The following SBSPON variants were observed in gnomAD, a reference collection of about 807,000 sequenced individuals.
SBSPON encodes the protein somatomedin-B and thrombospondin type-1 domain-containing protein.
SBSPON carries 30 observed loss-of-function variants against 35.8 expected under a neutral mutation model. The observed-to-expected ratio is 0.84, with a 90% CI of 0.63 to 1.14. The LOEUF (loss-of-function observed/expected upper bound fraction) is 1.14, where lower values mean the gene tolerates loss of function less well. Ranked by LOEUF, SBSPON falls within the 50% of genes most tolerant of loss-of-function variation. The probability of loss-of-function intolerance (pLI) is 0.00; values close to 1 mark genes in which losing one functional copy is unlikely to be tolerated. For missense variants in SBSPON, 364 were observed against 357.7 expected (o/e 1.02, Z -0.14); for synonymous variants, 136 against 135.9 (o/e 1.00, Z 0.00).
At chr8:73,084,586 A>G (rs1021410872) in intron 1 of SBSPON, among the ~76,000 whole-genome samples, 11 of 151,618 alleles carry the variant, frequency 7.3e-5, no homozygotes, top group African/African-American at 2.7e-4. Flanking sequence ...GCTCTTTCCC[A>G]CCCTGGGACC....
At chr8:73,084,843 C>T (rs976162778) in intron 1 of SBSPON, among the ~76,000 whole-genome samples, 16 of 151,158 alleles carry the variant, frequency 1.1e-4, no homozygotes, top group Non-Finnish European at 7.4e-5. Flanking sequence ...TGTAGCATTG[C>T]CATAATTCAT....
chr8:73,083,505 A>G (rs1222560084), intron 1 of SBSPON, among the ~76,000 whole-genome samples: 1 of 152,024 alleles, frequency 6.6e-6, no homozygotes, highest in Non-Finnish European at 1.5e-5. Flanking sequence ...CATAGATCAC[A>G]AGAGATCTTG....
chr8:73,082,221 T>A (rs577533277), intron 1 of SBSPON, among the ~76,000 whole-genome samples: 3 of 152,240 alleles, frequency 2.0e-5, no homozygotes, highest in Non-Finnish European at 4.4e-5. Context: ...TATCTCAGAC[T>A]GTAATCAACT....
chr8:73,079,670 G>A (rs931335556), intron 2 of SBSPON, among the ~76,000 whole-genome samples: 1 of 151,922 alleles, frequency 6.6e-6, no homozygotes, highest in Non-Finnish European at 1.5e-5. Context: ...AGACCGAGGG[G>A]AATCACCTGA....
In SBSPON at chr8:73,077,166, A is replaced by G. The variant is rs562233114; in HGVS notation, c.409+3853T>C. 6.6e-5 allele frequency among the ~76,000 whole-genome samples: 10 copies of G among 152,320 alleles called. 2 individuals carry two copies. The highest frequency in any genetic ancestry group is 2.2e-4 in the African/African-American group (9 of 41,566). On this transcript the variant is annotated intron_variant, in intron 2 of 4. Transcript: ENST00000297354. ...GGTGATCCACTCACCTCGACCTCCC[A>G]AAGTGCTGGGATTACAGGCATGAGC...
At chr8:73,068,075 G>C (rs1810427385) in intron 4 of SBSPON, among the ~76,000 whole-genome samples, 1 of 152,084 alleles carries the variant, frequency 6.6e-6, no homozygotes, top group Non-Finnish European at 1.5e-5. Flanking sequence ...CTCTTTTACT[G>C]CTTTCCAACT....
At position 73,067,464 on chromosome 8, in the gene SBSPON, A is replaced by C. The variant is rs1810409589; in HGVS notation, c.678-6T>G. On this transcript the variant is annotated splice_polypyrimidine_tract_variant and splice_region_variant and intron_variant, in intron 4 of 4. Coordinates refer to ENST00000297354, the MANE Select transcript of SBSPON (RefSeq NM_153225.4). Reference sequence around the variant, plus strand: ...GCCAATGGAGAGTCTGATTTCTGAAACGATATTTCGAAAGTGTTAGTTACA... The same window carrying C: ...GCCAATGGAGAGTCTGATTTCTGAACCGATATTTCGAAAGTGTTAGTTACA... The C allele has an allele frequency of 6.5e-7, 1 of 1,539,510 alleles. No homozygotes were observed. Among genetic ancestry groups the C allele is most frequent in the Admixed American group, 1.7e-5 (1 of 59,642 alleles).
rs201848140 is a variant in SBSPON at position 73,085,653 on chromosome 8, GA to G, written c.215-4441del. ...CGAGGAGTTGTGCCAGCCAGAGCAA[GA>G]CACCCTATTCTCAGCCTTTAGGTAC... On this transcript the variant is annotated intron_variant, in intron 1 of 4. Coordinates refer to ENST00000297354, the MANE Select transcript of SBSPON (RefSeq NM_153225.4). The G allele has an allele frequency of 3.0e-4, 45 of 152,176 alleles. No individual in the cohort carries two copies. In the East Asian group the frequency reaches 8.7e-3, roughly 29 times the overall value. The allele number at this position is 152,176 out of a possible 1,614,324, so 9.4% of individuals were successfully genotyped here. A position where few individuals can be genotyped will look rare whatever the true frequency, so the allele number is the denominator to read the frequency against.
At chr8:73,073,881 G>C (rs1810543841) in intron 2 of SBSPON, among the ~76,000 whole-genome samples, 1 of 151,440 alleles carries the variant, frequency 6.6e-6, no homozygotes, top group Non-Finnish European at 1.5e-5. Context: ...TTGTTCCTGT[G>C]TGGCTCTTTT....
chr8:73,067,514 T>C lies in SBSPON; in HGVS notation c.678-56A>G. The C allele has an allele frequency of 5.6e-6, 6 of 1,075,780 alleles. No homozygotes were observed. The Admixed American group carries it at 7.1e-5, about 13-fold the overall frequency. The allele number at this position is 1,075,780 out of a possible 1,614,324, so 66.6% of individuals were successfully genotyped here. A position where few individuals can be genotyped will look rare whatever the true frequency, so the allele number is the denominator to read the frequency against. On this transcript the variant is annotated intron_variant, in intron 4 of 4. Coordinates refer to ENST00000297354, the MANE Select transcript of SBSPON (RefSeq NM_153225.4). ...ACTAAAAGCATACCGAAGAAAGGTC[T>C]AATTTACAGAATTAAAACTCGGAGT...
At chr8:73,084,749 GACACACACACACACACACACACACAC>G (rs57178636) in intron 1 of SBSPON, among the ~76,000 whole-genome samples, 2 of 134,450 alleles carry the variant, frequency 1.5e-5, no homozygotes, top group African/African-American at 2.7e-5. Context: ...CCACTACACA[GACACACACACACACACACACACACAC>G]ACACACACAC....
intron 2 of SBSPON, among the ~76,000 whole-genome samples, chr8:73,075,229 G>A (rs1810570799): frequency 6.6e-6 from 1 of 152,164 alleles, no homozygotes; most frequent in Admixed American, 6.5e-5. Context: ...TGGGATTAGG[G>A]TGCATCCTAA....
At position 73,070,001 on chromosome 8, in the gene SBSPON, A is replaced by G; in HGVS notation, c.501-20T>C. 2 of 1,492,398 alleles carry G rather than the reference A, an allele frequency of 1.3e-6. No individual in the cohort carries two copies. The highest frequency in any genetic ancestry group is 1.8e-6 in the Non-Finnish European group (2 of 1,100,586). 92.4% of individuals were successfully genotyped at this position (1,492,398 alleles called of 1,614,324 possible). A position where few individuals can be genotyped will look rare whatever the true frequency, so the allele number is the denominator to read the frequency against. ...CAGTATCTACAGCAAAAGAAGTAAC[A>G]ATGACACTTGCTGTAATGAGCAGTG... On this transcript the variant is annotated intron_variant, in intron 3 of 4. Coordinates refer to ENST00000297354, the MANE Select transcript of SBSPON (RefSeq NM_153225.4).
At chr8:73,083,487 C>G (rs551329138) in intron 1 of SBSPON, among the ~76,000 whole-genome samples, 3 of 152,334 alleles carry the variant, frequency 2.0e-5, no homozygotes, top group Non-Finnish European at 2.9e-5. Context: ...ATTTGGATTG[C>G]AAGCCATCAT....
At chr8:73,092,769 C>CT in intron 1 of SBSPON, 85 bp downstream of exon 1, 1 of 1,054,562 alleles carries the variant, frequency 9.5e-7, no homozygotes, top group South Asian at 1.4e-5. Flanking sequence ...GGCTCAGGGA[C>CT]TGAGGTCCTT....
intron 1 of SBSPON, among the ~76,000 whole-genome samples, chr8:73,089,499 T>C (rs1563492370): frequency 6.7e-6 from 1 of 149,636 alleles, no homozygotes; most frequent in Non-Finnish European, 1.5e-5. Flanking sequence ...GGGGTTGCAA[T>C]GAGCCAAGAT....
At chr8:73,085,407 A>G (rs1300170575) in intron 1 of SBSPON, 1 of 148,746 alleles carries the variant, frequency 6.7e-6, no homozygotes, top group Admixed American at 6.8e-5. Context: ...AATTTCCCTC[A>G]CTCAAGAATT....
rs1020911855 is a variant in SBSPON at position 73,065,513 on chromosome 8, C to G, written c.*1828G>C. 5 of 152,096 alleles carry G rather than the reference C, an allele frequency of 3.3e-5. No individual in the cohort carries two copies. The highest frequency in any genetic ancestry group is 7.3e-5 in the Non-Finnish European group (5 of 68,048). The allele number at this position is 152,096 out of a possible 1,614,324, so 9.4% of individuals were successfully genotyped here. ...GTAACAGGCCAGGCGCAGTGGCTCA[C>G]GCCCATAATCCCAGCACCTTGGGAG... On this transcript the variant is annotated 3_prime_UTR_variant, in exon 5 of 5. Coordinates refer to ENST00000297354, the MANE Select transcript of SBSPON (RefSeq NM_153225.4).
At chr8:73,087,523 GT>G (rs1020634042) in intron 1 of SBSPON, among the ~76,000 whole-genome samples, 3 of 152,028 alleles carry the variant, frequency 2.0e-5, no homozygotes, top group Non-Finnish European at 2.9e-5. Flanking sequence ...GGCCCCGCTC[GT>G]TTTTTTTCTT....
Sources: gnomAD v4.1 joint callset for allele counts (sites outside exome capture counted in the v4.1 genomes callset) on GRCh38, gnomAD v4.1.1 for gene constraint, MANE v1.5 for transcripts, NCBI Gene and HGNC (gene_info 2026-07-23, HGNC 2026-07-21) for gene names.